HAAO: variants seen among roughly 807,000 people sequenced by gnomAD.
The protein encoded by HAAO is 3-hydroxyanthranilate oxygenase.
Under a neutral mutation model 46.2 loss-of-function variants are expected in HAAO, and 49 were observed. The observed-to-expected ratio is 1.06, with a 90% confidence interval of 0.84 to 1.34. HAAO has a LOEUF of 1.34. HAAO is among the 40% of genes most tolerant of loss of function. The pLI, the probability that HAAO is intolerant of heterozygous loss-of-function variation, is 0.00. For synonymous variants in HAAO, 157 were observed against 145.2 expected (o/e 1.08, Z -0.58); for missense variants, 408 against 364.5 (o/e 1.12, Z -0.97).
chr2:42,778,863 C>T (rs1391047036), intron 4 of HAAO, among the ~76,000 whole-genome samples: 1 of 152,138 alleles, frequency 6.6e-6, no homozygotes, highest in African/African-American at 2.4e-5. Flanking sequence ...CCTCTAATTC[C>T]AGCACTTTGG....
chr2:42,782,287 C>T (rs541218209), intron 4 of HAAO, among the ~76,000 whole-genome samples: 6 of 152,264 alleles, frequency 3.9e-5, no homozygotes, highest in African/African-American at 1.4e-4. Flanking sequence ...TTCATACTTG[C>T]CTACTGATGT....
In HAAO at chr2:42,788,547, G is replaced by A. The variant is rs746702852; in HGVS notation, c.141C>T (p.His47=). ...AACCTACCTCTTCACCCTCTTCGATGTGATAGTCCTTCCTGGTGTTGGGGC... is the reference window on the plus strand; with the variant it reads ...AACCTACCTCTTCACCCTCTTCGATATGATAGTCCTTCCTGGTGTTGGGGC... ...IGGPNTRKDY[H]IEEGEEVFYQ... The change falls in exon 2 of 10, where the codon CAC becomes CAT. Residue 47 remains histidine (H), a synonymous_variant. Transcript: ENST00000294973. The A allele has an allele frequency of 2.0e-5, 32 of 1,605,664 alleles. No homozygotes were observed. The highest frequency in any genetic ancestry group is 5.1e-6 in the Non-Finnish European group (6 of 1,172,518).
chr2:42,780,093 G>A (rs1433981453), intron 4 of HAAO, among the ~76,000 whole-genome samples: 1 of 152,072 alleles, frequency 6.6e-6, no homozygotes, highest in Non-Finnish European at 1.5e-5. Context: ...TGCCAACTGC[G>A]TCTTTGACTA....
At chr2:42,769,879 T>C in intron 6 of HAAO, 21 bp from the exon 7 acceptor site, 6 of 1,593,852 alleles carry the variant, frequency 3.8e-6, no homozygotes, top group Middle Eastern at 1.9e-4. Context: ...AGCATGACTA[T>C]AGTCGGTGTC....
chr2:42,767,924 A>G lies in HAAO; in HGVS notation c.635T>C (p.Ile212Thr), dbSNP rs759427449. Residue 212 changes from isoleucine to threonine, a missense_variant, in exon 8 of 10, where the codon ATC becomes ACC. Ile to Thr is a moderately conservative substitution (Grantham distance 89, BLOSUM62 -1). Coordinates refer to ENST00000294973, the MANE Select transcript of HAAO (RefSeq NM_012205.3). ...LFGDTYETQVIAYGQGSSEGL... is the reference protein window; with the variant it reads ...LFGDTYETQVTAYGQGSSEGL... ...TTCGCTGCTGCCTTGCCCATAGGCGATCACCTGGTGGGAGGTGAAACAGAA... is the reference window on the plus strand; with the variant it reads ...TTCGCTGCTGCCTTGCCCATAGGCGGTCACCTGGTGGGAGGTGAAACAGAA... 2.5e-6 allele frequency: 4 copies of G among 1,613,530 alleles called. No homozygotes were observed. The Admixed American group carries it at 5.0e-5, about 20-fold the overall frequency.
At chr2:42,780,270 C>G (rs1252689164) in intron 4 of HAAO, among the ~76,000 whole-genome samples, 2 of 148,204 alleles carry the variant, frequency 1.3e-5, no homozygotes, top group Non-Finnish European at 3.0e-5. Context: ...TGCAGCGGTG[C>G]AATCTCGGCT....
At chr2:42,777,618 C>T (rs541609867) in intron 4 of HAAO, among the ~76,000 whole-genome samples, 21 of 152,020 alleles carry the variant, frequency 1.4e-4, no homozygotes, top group Admixed American at 5.2e-4. Flanking sequence ...GGTTCCATAA[C>T]TTTAAATAAT....
At chr2:42,788,442 C>G (rs974769761) in intron 2 of HAAO, 87 bp downstream of exon 2, 2 of 845,756 alleles carry the variant, frequency 2.4e-6, no homozygotes, top group Non-Finnish European at 4.2e-6. Flanking sequence ...TCCATCATCT[C>G]TGGGCCTCGA....
chr2:42,767,627 A>G lies in HAAO; in HGVS notation c.750T>C (p.Pro250=). ...TMGGRRLSLA[P]DDSLLVLAGT... is the part of the protein sequence containing the mutation. Reference sequence around the variant, plus strand: ...CAGCTAGCACCAGGAGGCTGTCATCAGGGGCCAGGCTCAGGCGCCGTCCCC... The same window carrying G: ...CAGCTAGCACCAGGAGGCTGTCATCGGGGGCCAGGCTCAGGCGCCGTCCCC... The change falls in exon 9 of 10, where the codon CCT becomes CCC. Residue 250 remains proline (P), a synonymous_variant. Coordinates refer to ENST00000294973, the MANE Select transcript of HAAO (RefSeq NM_012205.3). 6.4e-7 allele frequency: 1 copy of G among 1,573,202 alleles called. No individual in the cohort carries two copies. The highest frequency in any genetic ancestry group is 1.2e-5 in the South Asian group (1 of 86,474).
At chr2:42,778,213 A>G (rs552528464) in intron 4 of HAAO, among the ~76,000 whole-genome samples, 6 of 151,968 alleles carry the variant, frequency 3.9e-5, no homozygotes, top group Non-Finnish European at 5.9e-5. Flanking sequence ...CTGAGATTAA[A>G]TTTTTTCAAA....
At position 42,792,492 on chromosome 2, in the gene HAAO, C is replaced by A; in HGVS notation, c.45G>T (p.Arg15=). 6.3e-7 allele frequency: 1 copy of A among 1,593,342 alleles called. No individual in the cohort carries two copies. The highest frequency in any genetic ancestry group is 8.5e-7 in the Non-Finnish European group (1 of 1,170,556). ...LGVRAWVKEN[R]GSFQPPVCNK... ...TGCAGACCGGGGGCTGGAAGGAGCC[C>A]CGGTTCTCCTTCACCCAGGCCCTCA... is the stretch of plus-strand genomic sequence containing the variant. Residue 15 remains arginine, a synonymous_variant, in exon 1 of 10, where the codon CGG becomes CGT. Coordinates refer to ENST00000294973, the MANE Select transcript of HAAO (RefSeq NM_012205.3).
Position 42,780,005 on chromosome 2 carries a change from A to C in HAAO, c.350+3309T>G, listed in dbSNP as rs371849308. On this transcript the variant is annotated intron_variant, in intron 4 of 9. Coordinates refer to ENST00000294973, the MANE Select transcript of HAAO (RefSeq NM_012205.3). ...ATTATGGGAAACTCCTATAATCCTG[A>C]TAAAACTTAGTGTACATCATCAGTA... Among the ~76,000 whole-genome samples, 39 of 152,278 alleles carry C rather than the reference A, an allele frequency of 2.6e-4. No individual in the cohort carries two copies. The East Asian group carries it at 3.1e-3, about 12-fold the overall frequency.
intron 4 of HAAO, among the ~76,000 whole-genome samples, chr2:42,781,567 C>A (rs1246419127): frequency 6.6e-6 from 1 of 152,106 alleles, no homozygotes; most frequent in African/African-American, 2.4e-5. Context: ...AATTTAAAAG[C>A]CTATGTAAAA....
chr2:42,771,751 G>T (rs1671142908), intron 4 of HAAO, among the ~76,000 whole-genome samples: 2 of 152,238 alleles, frequency 1.3e-5, no homozygotes, highest in Admixed American at 6.5e-5. Flanking sequence ...AATGCCTAAT[G>T]CCCAAGCCCA....
intron 4 of HAAO, among the ~76,000 whole-genome samples, chr2:42,775,825 C>T (rs1671523732): frequency 6.7e-6 from 1 of 149,116 alleles, no homozygotes; most frequent in Non-Finnish European, 1.5e-5. Flanking sequence ...TAAATGGTCT[C>T]AGCTGTTAAA....
At chr2:42,776,261 C>CAT (rs1179175497) in intron 4 of HAAO, among the ~76,000 whole-genome samples, 1 of 99,096 alleles carries the variant, frequency 1.0e-5, no homozygotes, top group African/African-American at 4.3e-5. Context: ...TTTTTTGAGA[C>CAT]AGAGTTTCAC....
intron 4 of HAAO, among the ~76,000 whole-genome samples, chr2:42,773,264 A>G (rs1304953418): frequency 1.3e-5 from 2 of 152,250 alleles, no homozygotes; most frequent in East Asian, 1.9e-4. Context: ...GGAAGATTCA[A>G]TGAATAAATA....
Position 42,792,489 on chromosome 2 carries a change from G to A in HAAO, c.48C>T (p.Gly16=), listed in dbSNP as rs1331643270. 1.8e-5 allele frequency: 28 copies of A among 1,591,954 alleles called. No individual in the cohort carries two copies. The highest frequency in any genetic ancestry group is 2.4e-5 in the East Asian group (1 of 41,458). ...GVRAWVKENR[G]SFQPPVCNKL... ...TGTTGCAGACCGGGGGCTGGAAGGA[G>A]CCCCGGTTCTCCTTCACCCAGGCCC... is the stretch of plus-strand genomic sequence containing the variant. The change falls in exon 1 of 10, where the codon GGC becomes GGT. Residue 16 remains glycine (G), a synonymous_variant. Transcript: ENST00000294973.
intron 4 of HAAO, among the ~76,000 whole-genome samples, chr2:42,781,253 A>T (rs1228627804): frequency 6.6e-6 from 1 of 152,232 alleles, no homozygotes; most frequent in Non-Finnish European, 1.5e-5. Flanking sequence ...ACAGGACACA[A>T]TTGGAGAAAC....
Sources: allele counts gnomAD v4.1 joint callset (sites outside exome capture counted in the v4.1 genomes callset), GRCh38; gene constraint gnomAD v4.1.1; transcripts MANE v1.5; gene names NCBI Gene and HGNC (gene_info 2026-07-23, HGNC 2026-07-21).